The following LBH variants were observed in gnomAD, a reference collection of about 807,000 sequenced individuals.
The protein encoded by LBH is LBH regulator of Wnt signaling pathway.
LBH carries 7 observed loss-of-function variants against 12.5 expected under a neutral mutation model. That is an observed-to-expected ratio of 0.56 (90% CI 0.32 to 1.05). LBH has a LOEUF of 1.05. Among genes scored for constraint, LBH ranks in the 50% least tolerant of loss-of-function variants. LBH has a pLI of 0.04. For missense variants in LBH, 119 were observed against 138.9 expected (o/e 0.86, Z 0.72); for synonymous variants, 51 against 50.1 (o/e 1.02, Z -0.08).
chr2:30,237,866 A>G (rs1677715238), intron 2 of LBH, among the ~76,000 whole-genome samples: 1 of 152,188 alleles, frequency 6.6e-6, no homozygotes, highest in African/African-American at 2.4e-5. Flanking sequence ...AATGGTTGCT[A>G]GAAAGTCTGA....
At chr2:30,254,945 T>C (rs1467257311) in intron 2 of LBH, among the ~76,000 whole-genome samples, 1 of 152,236 alleles carries the variant, frequency 6.6e-6, no homozygotes, top group Non-Finnish European at 1.5e-5. Context: ...AGAGTCTTAC[T>C]CTCCCTCCCT....
chr2:30,257,094 C>T (rs970005410), intron 2 of LBH, among the ~76,000 whole-genome samples: 2 of 152,192 alleles, frequency 1.3e-5, no homozygotes, highest in Non-Finnish European at 2.9e-5. Context: ...CAGAGAGAGA[C>T]CAGACTTACT....
intron 2 of LBH, among the ~76,000 whole-genome samples, chr2:30,246,800 ACTCACTCC>A (rs1272471999): frequency 9.2e-6 from 1 of 108,372 alleles, no homozygotes; most frequent in African/African-American, 3.1e-5. Context: ...TTCCTTCCTC[ACTCACTCC>A]CTCCCTCCCT....
chr2:30,248,858 G>C (rs750283755), intron 2 of LBH, among the ~76,000 whole-genome samples: 6 of 152,186 alleles, frequency 3.9e-5, no homozygotes, highest in Non-Finnish European at 8.8e-5. Flanking sequence ...TATGAAAGAT[G>C]GTGTTTATCC....
At chr2:30,235,005 C>T (rs1677661774) in intron 2 of LBH, among the ~76,000 whole-genome samples, 1 of 152,134 alleles carries the variant, frequency 6.6e-6, no homozygotes, top group South Asian at 2.1e-4. Context: ...CCTGTTGATT[C>T]AGAGTTAACA....
intron 2 of LBH, among the ~76,000 whole-genome samples, chr2:30,250,697 C>G (rs1486182154): frequency 6.6e-6 from 1 of 151,988 alleles, no homozygotes; most frequent in Non-Finnish European, 1.5e-5. Flanking sequence ...CCTTTCAGTT[C>G]CCCTCCAAGG....
chr2:30,245,950 C>T (rs1677862481), intron 2 of LBH, among the ~76,000 whole-genome samples: 1 of 149,758 alleles, frequency 6.7e-6, no homozygotes, highest in Admixed American at 6.8e-5. Flanking sequence ...TCAACCTTGA[C>T]TTACATAGTC....
At chr2:30,250,421 C>T (rs1677958381) in intron 2 of LBH, among the ~76,000 whole-genome samples, 1 of 151,986 alleles carries the variant, frequency 6.6e-6, no homozygotes, top group African/African-American at 2.4e-5. Context: ...CTGCTGGTGT[C>T]CGCTTTCCCT....
chr2:30,257,785 C>A lies in LBH; in HGVS notation c.*164C>A, dbSNP rs916471155. On this transcript the variant is annotated 3_prime_UTR_variant, in exon 3 of 3. Coordinates refer to ENST00000395323, the MANE Select transcript of LBH (RefSeq NM_030915.4). The stretch of plus-strand genomic sequence containing the variant: ...CACCGAGTTGGTTTTCTTTTCTTTT[C>A]TTGCCTTTTTTTTTTTTTGAAATTT... 8.5e-5 allele frequency: 39 copies of A among 457,962 alleles called. No homozygotes were observed. The highest frequency in any genetic ancestry group is 6.9e-4 in the Admixed American group (14 of 20,170). The allele number at this position is 457,962 out of a possible 1,614,324, so 28.4% of individuals were successfully genotyped here. A position where few individuals can be genotyped will look rare whatever the true frequency, so the allele number is the denominator to read the frequency against.
chr2:30,248,530 G>C (rs543648430), intron 2 of LBH, among the ~76,000 whole-genome samples: 1 of 152,294 alleles, frequency 6.6e-6, no homozygotes, highest in Admixed American at 6.5e-5. Context: ...AGCTGAGAGA[G>C]GTGTGACCAT....
chr2:30,249,220 A>G (rs1677930552), intron 2 of LBH, among the ~76,000 whole-genome samples: 1 of 152,230 alleles, frequency 6.6e-6, no homozygotes, highest in Non-Finnish European at 1.5e-5. Context: ...AAATAATAAT[A>G]ATGATGATAA....
intron 2 of LBH, among the ~76,000 whole-genome samples, chr2:30,235,101 C>G (rs1375625727): frequency 6.6e-6 from 1 of 152,130 alleles, no homozygotes; most frequent in African/African-American, 2.4e-5. Flanking sequence ...TGGAGATCAT[C>G]CTGTCTGGTG....
At chr2:30,240,434 C>T (rs183686914) in intron 2 of LBH, among the ~76,000 whole-genome samples, 3 of 152,248 alleles carry the variant, frequency 2.0e-5, no homozygotes, top group Non-Finnish European at 2.9e-5. Context: ...TGAAGTAGTC[C>T]TCAGAGGATA....
chr2:30,255,310 A>G (rs1678063070), intron 2 of LBH, among the ~76,000 whole-genome samples: 2 of 152,138 alleles, frequency 1.3e-5, no homozygotes, highest in Non-Finnish European at 2.9e-5. Flanking sequence ...CGCTCGGCAC[A>G]TGCACGTCTG....
At chr2:30,237,789 G>A (rs995311454) in intron 2 of LBH, among the ~76,000 whole-genome samples, 1 of 152,238 alleles carries the variant, frequency 6.6e-6, no homozygotes, top group Non-Finnish European at 1.5e-5. Flanking sequence ...AGGCAGTTCA[G>A]TAAGGGAAAT....
chr2:30,258,119 G>GA lies in LBH; in HGVS notation c.*498_*499insA, dbSNP rs1443550061. 1 of 154,404 alleles carries GA rather than the reference G, an allele frequency of 6.5e-6. No homozygotes were observed. The highest frequency in any genetic ancestry group is 2.4e-5 in the African/African-American group (1 of 41,442). 9.6% of individuals were successfully genotyped at this position (154,404 alleles called of 1,614,324 possible). ...GATGCGCTCAGCAGACATTCACTCT[G>GA]GCTGCTGGGACATCAGAAAACAAAG... On this transcript the variant is annotated 3_prime_UTR_variant, in exon 3 of 3. Coordinates refer to ENST00000395323, the MANE Select transcript of LBH (RefSeq NM_030915.4).
At chr2:30,256,374 G>A (rs1678085044) in intron 2 of LBH, among the ~76,000 whole-genome samples, 1 of 152,170 alleles carries the variant, frequency 6.6e-6, no homozygotes. Flanking sequence ...AGGATCCTTG[G>A]ATTTTGTTCC....
In LBH at chr2:30,258,119, G is replaced by GGCT. The variant is rs1553335688; in HGVS notation, c.*503_*505dup. ...GATGCGCTCAGCAGACATTCACTCT[G>GGCT]GCTGCTGGGACATCAGAAAACAAAG... On this transcript the variant is annotated 3_prime_UTR_variant, in exon 3 of 3. Transcript: ENST00000395323. 2 of 154,404 alleles carry GGCT rather than the reference G, an allele frequency of 1.3e-5. No individual in the cohort carries two copies. The highest frequency in any genetic ancestry group is 2.4e-5 in the African/African-American group (1 of 41,442). 9.6% of individuals were successfully genotyped at this position (154,404 alleles called of 1,614,324 possible). A position where few individuals can be genotyped will look rare whatever the true frequency, so the allele number is the denominator to read the frequency against.
intron 2 of LBH, among the ~76,000 whole-genome samples, chr2:30,237,132 C>T (rs576876383): frequency 6.6e-6 from 1 of 152,184 alleles, no homozygotes; most frequent in African/African-American, 2.4e-5. Flanking sequence ...CAGGGGATCT[C>T]GGAGCTCTGT....
Sources: gnomAD v4.1 joint callset for allele counts (sites outside exome capture counted in the v4.1 genomes callset) on GRCh38, gnomAD v4.1.1 for gene constraint, MANE v1.5 for transcripts, NCBI Gene and HGNC (gene_info 2026-07-23, HGNC 2026-07-21) for gene names.